CCSER1: variants seen among roughly 807,000 people sequenced by gnomAD.
CCSER1 encodes the protein serine-rich coiled-coil domain-containing protein 1.
CCSER1 carries 41 observed loss-of-function variants against 82.0 expected under a neutral mutation model. The observed-to-expected ratio is 0.50, with a 90% CI of 0.39 to 0.65. The LOEUF (loss-of-function observed/expected upper bound fraction) is 0.65, where lower values mean the gene tolerates loss of function less well. Among genes scored for constraint, CCSER1 ranks in the 30% least tolerant of loss-of-function variants. The pLI is 0.00. For missense variants in CCSER1, 1,119 were observed against 1,064.2 expected, an observed-to-expected ratio of 1.05 and a Z score of -0.72; for synonymous variants, 414 against 383.9, an observed-to-expected ratio of 1.08 and a Z score of -0.92.
chr4:90,497,158 TAAC>T (rs147232435), intron 5 of CCSER1, among the ~76,000 whole-genome samples: 1,775 of 152,250 alleles, frequency 0.012, 12 homozygotes, highest in South Asian at 0.022. Flanking sequence ...AACAAACTTT[TAAC>T]AACAGTACTA....
At chr4:91,113,938 C>T (rs1301216808) in intron 10 of CCSER1, among the ~76,000 whole-genome samples, 1 of 151,850 alleles carries the variant, frequency 6.6e-6, no homozygotes, top group Non-Finnish European at 1.5e-5. Flanking sequence ...CTGCAAGCTC[C>T]GCCTCCTGAG....
chr4:90,328,796 G>A (rs1738698609), intron 3 of CCSER1, among the ~76,000 whole-genome samples: 1 of 152,286 alleles, frequency 6.6e-6, no homozygotes, highest in African/African-American at 2.4e-5. Context: ...CCTCAGGCTG[G>A]CTCTGGTCCA....
rs1441584073 is a variant in CCSER1, at chr4:90,331,144, C to A, written c.1509+18097C>A. Among the ~76,000 whole-genome samples, 3 of 151,766 alleles carry A rather than the reference C, an allele frequency of 2.0e-5. No homozygotes were observed. In the South Asian group the frequency reaches 6.2e-4, roughly 32 times the overall value. On this transcript the variant is annotated intron_variant, in intron 3 of 10. Coordinates refer to ENST00000509176, the MANE Select transcript of CCSER1 (RefSeq NM_001145065.2). ...AAATTATTCTGGTTCAATAAGCAAG[C>A]CTATTTTACTGAAACAATAGATAAA...
Position 91,437,280 on chromosome 4 carries a change from T to G in CCSER1, c.2218-161292T>G, listed in dbSNP as rs984231417. Among the ~76,000 whole-genome samples the G allele has an allele frequency of 3.3e-5, 5 of 152,254 alleles. No homozygotes were observed. In the South Asian group the frequency reaches 1.0e-3, roughly 31 times the overall value. On this transcript the variant is annotated intron_variant, in intron 10 of 10. Coordinates refer to ENST00000509176, the MANE Select transcript of CCSER1 (RefSeq NM_001145065.2). ...TCTCATACCCTGGGGGAAGCATGTT[T>G]GTTCAGAAGGCAGTTTATTTGACCA...
intron 10 of CCSER1, among the ~76,000 whole-genome samples, chr4:91,447,317 C>T (rs1755624660): frequency 6.6e-6 from 1 of 152,014 alleles, no homozygotes; most frequent in Non-Finnish European, 1.5e-5. Flanking sequence ...ATGACTAGTG[C>T]TCCTTGTCTT....
intron 10 of CCSER1, among the ~76,000 whole-genome samples, chr4:91,558,863 C>T (rs921173278): frequency 1.3e-5 from 2 of 151,518 alleles, no homozygotes; most frequent in Admixed American, 6.6e-5. Context: ...GGTGAGGACA[C>T]AGCCAAACCA....
chr4:90,601,216 T>A (rs1310641591), intron 5 of CCSER1, among the ~76,000 whole-genome samples: 1 of 152,064 alleles, frequency 6.6e-6, no homozygotes, highest in Non-Finnish European at 1.5e-5. Context: ...ACAGCAGACA[T>A]CCCTGTTTTT....
intron 9 of CCSER1, among the ~76,000 whole-genome samples, chr4:90,930,445 T>A (rs11930206): frequency 0.54 from 81,459 of 150,150 alleles, 23,605 homozygotes; most frequent in African/African-American, 0.77. Flanking sequence ...ACTAAAAATT[T>A]AAAAAAAAAA....
intron 8 of CCSER1, among the ~76,000 whole-genome samples, chr4:90,846,144 T>G (rs567486542): frequency 6.6e-6 from 1 of 152,344 alleles, no homozygotes; most frequent in Admixed American, 6.5e-5. Context: ...CATTGCATTC[T>G]TATGTTTCCA....
At chr4:90,133,407 T>A (rs928001474) in intron 1 of CCSER1, among the ~76,000 whole-genome samples, 4 of 152,288 alleles carry the variant, frequency 2.6e-5, no homozygotes, top group East Asian at 1.9e-4. Flanking sequence ...AATACAAAAG[T>A]TGACCAATTT....
intron 10 of CCSER1, among the ~76,000 whole-genome samples, chr4:91,278,513 A>G (rs926860456): frequency 1.3e-5 from 2 of 152,032 alleles, no homozygotes; most frequent in African/African-American, 4.8e-5. Context: ...TTCTGTTTGC[A>G]TGGAGTATCT....
chr4:90,519,892 A>G (rs1772857748), intron 5 of CCSER1, among the ~76,000 whole-genome samples: 1 of 152,056 alleles, frequency 6.6e-6, no homozygotes, highest in Non-Finnish European at 1.5e-5. Flanking sequence ...TAACTCTTAC[A>G]CTATTCAAAA....
chr4:90,837,588 T>G (rs185410865), intron 8 of CCSER1, among the ~76,000 whole-genome samples: 15 of 152,164 alleles, frequency 9.9e-5, no homozygotes, highest in African/African-American at 2.6e-4. Context: ...AAATAATAAA[T>G]AGTAGGAAAG....
intron 5 of CCSER1, among the ~76,000 whole-genome samples, chr4:90,563,138 A>AGTCTT (rs1466585014): frequency 2.0e-5 from 3 of 151,596 alleles, no homozygotes; most frequent in African/African-American, 7.3e-5. Context: ...TTTGAGACGA[A>AGTCTT]GTCTTGCTCT....
At chr4:90,559,955 A>G (rs1202495466) in intron 5 of CCSER1, among the ~76,000 whole-genome samples, 1 of 151,986 alleles carries the variant, frequency 6.6e-6, no homozygotes, top group Non-Finnish European at 1.5e-5. Context: ...CTTTCTCAAA[A>G]AAAAAAAGGA....
At chr4:91,487,017 A>C (rs1038936993) in intron 10 of CCSER1, among the ~76,000 whole-genome samples, 3 of 152,116 alleles carry the variant, frequency 2.0e-5, no homozygotes, top group African/African-American at 7.2e-5. Context: ...CCAAATATAC[A>C]TGTGCTTAAA....
intron 5 of CCSER1, among the ~76,000 whole-genome samples, chr4:90,491,326 T>C (rs1240852072): frequency 1.3e-5 from 2 of 152,196 alleles, no homozygotes; most frequent in Admixed American, 6.5e-5. Flanking sequence ...GTTGGTCTGC[T>C]ATTGGTGTAT....
intron 7 of CCSER1, among the ~76,000 whole-genome samples, chr4:90,812,611 A>G (rs909396146): frequency 6.6e-6 from 1 of 152,212 alleles, no homozygotes; most frequent in African/African-American, 2.4e-5. Flanking sequence ...TAGATATAGT[A>G]TCTATACTAG....
chr4:91,498,497 A>AT (rs1416136427), intron 10 of CCSER1, among the ~76,000 whole-genome samples: 1 of 151,208 alleles, frequency 6.6e-6, no homozygotes, highest in Non-Finnish European at 1.5e-5. Context: ...GAGAATGTAC[A>AT]TTTTTCTGCA....
Sources: allele counts gnomAD v4.1 joint callset (sites outside exome capture counted in the v4.1 genomes callset), GRCh38; gene constraint gnomAD v4.1.1; transcripts MANE v1.5; gene names NCBI Gene and HGNC (gene_info 2026-07-23, HGNC 2026-07-21).